Variants in FRMPD4 observed in about 807,000 individuals in gnomAD.
The protein encoded by FRMPD4 is FERM and PDZ domain containing 4.
Under a neutral mutation model 94.1 loss-of-function variants are expected in FRMPD4, and 22 were observed. That is an observed-to-expected ratio of 0.23 (90% CI 0.17 to 0.33). FRMPD4 has a LOEUF of 0.33. FRMPD4 is among the 10% of genes least tolerant of loss of function. The pLI is 1.00. For synonymous variants in FRMPD4, 631 were observed against 548.6 expected (o/e 1.15, Z -2.10); for missense variants, 1,111 against 1,339.9 (o/e 0.83, Z 2.67).
chrX:12,190,602 C>T (rs890995509), intron 1 of FRMPD4, among the ~76,000 whole-genome samples: 1 of 108,990 alleles, frequency 9.2e-6, no homozygotes, highest in East Asian at 2.9e-4. Flanking sequence ...TATTAGTCAC[C>T]TGATCTTTGA....
chrX:12,118,825 G>A (rs775527828), intron 3 of FRMPD4, among the ~76,000 whole-genome samples: 24 of 112,122 alleles, frequency 2.1e-4, no homozygotes, highest in Non-Finnish European at 3.9e-4. Context: ...GAGAAGGGAG[G>A]ACACTGGGGC....
At chrX:12,336,990 C>A (rs2055536911) in intron 1 of FRMPD4, among the ~76,000 whole-genome samples, 1 of 110,751 alleles carries the variant, frequency 9.0e-6, no homozygotes. Flanking sequence ...CTGAACACTG[C>A]AAAATGGTGT....
intron 1 of FRMPD4, among the ~76,000 whole-genome samples, chrX:12,311,796 A>T (rs1224239147): frequency 9.0e-6 from 1 of 111,564 alleles, no homozygotes; most frequent in Non-Finnish European, 1.9e-5. Flanking sequence ...TTTCAAGATA[A>T]TATCTTTTTT....
At chrX:12,102,828 C>A (rs1235824733) in intron 3 of FRMPD4, among the ~76,000 whole-genome samples, 1 of 109,632 alleles carries the variant, frequency 9.1e-6, no homozygotes, top group East Asian at 2.8e-4. Flanking sequence ...GTGATGATTG[C>A]TCTAAAGGGT....
At chrX:11,947,120 C>T (rs1358576243) in intron 3 of FRMPD4, among the ~76,000 whole-genome samples, 1 of 111,783 alleles carries the variant, frequency 8.9e-6, no homozygotes, top group African/African-American at 3.3e-5. Flanking sequence ...TCCCCCACCC[C>T]TGCCACAAGT....
intron 1 of FRMPD4, among the ~76,000 whole-genome samples, chrX:12,488,148 T>C (rs1295100421): frequency 9.0e-6 from 1 of 111,604 alleles, no homozygotes; most frequent in African/African-American, 3.3e-5. Flanking sequence ...TTAGGGATTA[T>C]AATTCAGCAG....
intron 3 of FRMPD4, among the ~76,000 whole-genome samples, chrX:11,978,211 A>G (rs1397062236): frequency 9.5e-6 from 1 of 105,068 alleles, no homozygotes; most frequent in African/African-American, 3.5e-5. Context: ...AATCCCAGCT[A>G]CTCAGGAGGC....
At chrX:12,398,206 G>A (rs915134709) in intron 1 of FRMPD4, among the ~76,000 whole-genome samples, 4 of 112,306 alleles carry the variant, frequency 3.6e-5, no homozygotes, top group Non-Finnish European at 7.5e-5. Context: ...CCATGGTTTA[G>A]TAACAAAGAA....
At chrX:12,326,941 G>C (rs1393487839) in intron 1 of FRMPD4, among the ~76,000 whole-genome samples, 1 of 111,008 alleles carries the variant, frequency 9.0e-6, no homozygotes, top group Non-Finnish European at 1.9e-5. Flanking sequence ...CAGCCTGAAA[G>C]ACAGAGTAAG....
At chrX:12,040,859 C>T (rs754847538) in intron 3 of FRMPD4, among the ~76,000 whole-genome samples, 1 of 110,989 alleles carries the variant, frequency 9.0e-6, no homozygotes, top group South Asian at 3.8e-4. Context: ...CTTTCTGCAT[C>T]TCTTTTTGTT....
At chrX:11,857,150 T>G (rs2053658176) in intron 1 of FRMPD4, among the ~76,000 whole-genome samples, 1 of 111,793 alleles carries the variant, frequency 8.9e-6, no homozygotes, top group Non-Finnish European at 1.9e-5. Context: ...ATTTATAGAT[T>G]CAATGCTATT....
intron 2 of FRMPD4, among the ~76,000 whole-genome samples, chrX:11,874,853 G>C (rs1033912304): frequency 7.2e-5 from 8 of 111,497 alleles, no homozygotes; most frequent in Non-Finnish European, 1.5e-4. Flanking sequence ...TAGTGGCAGG[G>C]AATATTGAAA....
chrX:12,454,748 C>A (rs141117004), intron 1 of FRMPD4, among the ~76,000 whole-genome samples: 20 of 108,035 alleles, frequency 1.9e-4, no homozygotes, highest in African/African-American at 6.0e-4. Flanking sequence ...TGGGAAACCT[C>A]GTTTTTTCAG....
intron 1 of FRMPD4, chrX:12,373,218 T>C (rs1352971045): frequency 1.8e-5 from 2 of 112,761 alleles, no homozygotes; most frequent in African/African-American, 6.4e-5. Flanking sequence ...GTTCTCTCGA[T>C]TGAAGTTCTA....
upstream of FRMPD4, among the ~76,000 whole-genome samples, chrX:12,136,215 C>A (rs986017914): frequency 2.7e-5 from 3 of 110,194 alleles, no homozygotes; most frequent in South Asian, 1.2e-3. Context: ...TTCTTAAGTT[C>A]TTTCTACATC....
At chrX:12,711,372 C>A (rs1236530970) in intron 14 of FRMPD4, among the ~76,000 whole-genome samples, 2 of 111,829 alleles carry the variant, frequency 1.8e-5, no homozygotes, top group Admixed American at 9.5e-5. Flanking sequence ...AATTCTTCCA[C>A]ATTGGCAGCC....
chrX:12,439,000 A>C (rs1482599294), intron 1 of FRMPD4, among the ~76,000 whole-genome samples: 1 of 111,201 alleles, frequency 9.0e-6, no homozygotes, highest in African/African-American at 3.3e-5. Flanking sequence ...TATCCTTATA[A>C]GGATATGTTT....
chrX:11,984,583 G>A (rs553126458), intron 3 of FRMPD4, among the ~76,000 whole-genome samples: 5 of 112,497 alleles, frequency 4.4e-5, no homozygotes, highest in East Asian at 5.6e-4. Context: ...CCAGAATTGT[G>A]TAAGTTGAAC....
At chrX:12,226,121 T>G (rs1444665398) in intron 1 of FRMPD4, among the ~76,000 whole-genome samples, 1 of 111,845 alleles carries the variant, frequency 8.9e-6, no homozygotes, top group Non-Finnish European at 1.9e-5. Context: ...TTTATTTTTT[T>G]GAAGACAGTG....
Sources: gnomAD v4.1 joint callset for allele counts (sites outside exome capture counted in the v4.1 genomes callset) on GRCh38, gnomAD v4.1.1 for gene constraint, MANE v1.5 for transcripts, NCBI Gene and HGNC (gene_info 2026-07-23, HGNC 2026-07-21) for gene names.